Variants in PKIB observed in about 807,000 individuals in gnomAD.
PKIB encodes cAMP-dependent protein kinase inhibitor beta, also known as PKI-beta.
In PKIB, 2 loss-of-function variants were observed where a neutral mutation model predicts 4.5. That is an observed-to-expected ratio of 0.44 (90% CI 0.18 to 1.39). PKIB has a LOEUF of 1.39. Among genes scored for constraint, PKIB ranks in the 40% most tolerant of loss-of-function variants. PKIB has a pLI of 0.27. For missense variants in PKIB, 94 were observed against 92.6 expected (o/e 1.02, Z -0.06); for synonymous variants, 38 against 36.0 (o/e 1.06, Z -0.20).
chr6:122,478,113 T>A lies in PKIB; in HGVS notation c.-248+174T>A, dbSNP rs192064630. The A allele has an allele frequency of 1.3e-3, 199 of 152,268 alleles. 1 individual carries two copies. Among genetic ancestry groups the A allele is most frequent in the Middle Eastern group, 0.01 (3 of 294 alleles). 9.4% of individuals were successfully genotyped at this position (152,268 alleles called of 1,614,324 possible). A position where few individuals can be genotyped will look rare whatever the true frequency, so the allele number is the denominator to read the frequency against. On this transcript the variant is annotated intron_variant, in intron 2 of 6. Transcript: ENST00000392491. ...CAGGCTCCCACCTAGAGTCCTGTTA[T>A]AGTGAAGGCTGGCTTCCACTAGTTT... is the stretch of plus-strand genomic sequence containing the variant.
At chr6:122,538,316 A>T (rs955343018) in intron 2 of PKIB, among the ~76,000 whole-genome samples, 2 of 152,126 alleles carry the variant, frequency 1.3e-5, no homozygotes, top group Non-Finnish European at 2.9e-5. Flanking sequence ...TTTTAGATCT[A>T]ACATGTAAGT....
At chr6:122,532,967 G>T (rs1303207082) in intron 2 of PKIB, among the ~76,000 whole-genome samples, 1 of 151,806 alleles carries the variant, frequency 6.6e-6, no homozygotes, top group Non-Finnish European at 1.5e-5. Flanking sequence ...TATGTTTGTT[G>T]GACATTTGTG....
chr6:122,511,675 G>A (rs1055811028), intron 2 of PKIB, among the ~76,000 whole-genome samples: 2 of 152,172 alleles, frequency 1.3e-5, no homozygotes, highest in African/African-American at 2.4e-5. Flanking sequence ...AAAAGGCGCC[G>A]AGCTCTGGTT....
At chr6:122,583,892 A>G (rs1773778522) in intron 2 of PKIB, among the ~76,000 whole-genome samples, 1 of 152,118 alleles carries the variant, frequency 6.6e-6, no homozygotes, top group African/African-American at 2.4e-5. Flanking sequence ...ATGCTGGGCT[A>G]TGCCCCTTTT....
intron 1 of PKIB, among the ~76,000 whole-genome samples, chr6:122,476,978 T>C (rs994848609): frequency 1.3e-5 from 2 of 152,172 alleles, no homozygotes; most frequent in Non-Finnish European, 2.9e-5. Context: ...CACCTTCCAA[T>C]AGAAATGAAA....
intron 1 of PKIB, among the ~76,000 whole-genome samples, chr6:122,629,754 A>G (rs949786390): frequency 6.6e-6 from 1 of 152,240 alleles, no homozygotes; most frequent in African/African-American, 2.4e-5. Flanking sequence ...CCACAGTCTA[A>G]TCATGAGAAA....
At position 122,637,852 on chromosome 6, in the gene PKIB, A is replaced by T. The variant is rs866766291; in HGVS notation, c.-76+4485A>T. Among the ~76,000 whole-genome samples, 7 of 152,240 alleles carry T rather than the reference A, an allele frequency of 4.6e-5. No homozygotes were observed. The Middle Eastern group carries it at 0.01, about 222-fold the overall frequency. On this transcript the variant is annotated intron_variant, in intron 2 of 4. Coordinates refer to ENST00000368452, the MANE Select transcript of PKIB (RefSeq NM_181795.3). ...TATGGAAAGATGAATTGTTCCACCT[A>T]AAAAGATCAATTAAATTTGGCTTAA...
At chr6:122,511,639 G>A (rs1776589329) in intron 2 of PKIB, among the ~76,000 whole-genome samples, 1 of 152,136 alleles carries the variant, frequency 6.6e-6, no homozygotes, top group Non-Finnish European at 1.5e-5. Flanking sequence ...TGGGAGCCAG[G>A]GGGCCACTTG....
intron 1 of PKIB, among the ~76,000 whole-genome samples, chr6:122,611,112 C>T (rs540109577): frequency 6.6e-6 from 1 of 152,338 alleles, no homozygotes; most frequent in Admixed American, 6.5e-5. Flanking sequence ...ATTGGATTTT[C>T]CCTGCTCCTA....
chr6:122,591,838 G>A (rs928603343), intron 3 of PKIB, among the ~76,000 whole-genome samples: 7 of 151,246 alleles, frequency 4.6e-5, no homozygotes, highest in African/African-American at 1.7e-4. Flanking sequence ...CAGCCACCTA[G>A]TAGCTGGAAT....
chr6:122,531,212 G>A (rs1364699153), intron 2 of PKIB: 5 of 152,094 alleles, frequency 3.3e-5, no homozygotes, highest in Non-Finnish European at 2.9e-5. Flanking sequence ...TTGAAAACAT[G>A]GGAATTCTCT....
chr6:122,699,398 T>C (rs971703308), intron 3 of PKIB, among the ~76,000 whole-genome samples: 21 of 152,148 alleles, frequency 1.4e-4, no homozygotes, highest in African/African-American at 5.1e-4. Context: ...GCAAAATATT[T>C]ATCAGTTGCT....
chr6:122,681,612 C>T (rs1185809943), intron 3 of PKIB, among the ~76,000 whole-genome samples: 3 of 151,882 alleles, frequency 2.0e-5, no homozygotes, highest in African/African-American at 7.3e-5. Flanking sequence ...TTGGATTAAC[C>T]AATTAAGAAA....
At chr6:122,624,536 T>C (rs1056223041) in intron 1 of PKIB, among the ~76,000 whole-genome samples, 8 of 152,168 alleles carry the variant, frequency 5.3e-5, no homozygotes, top group Non-Finnish European at 1.2e-4. Context: ...GAGTCAATTC[T>C]CCAAAAACAT....
intron 3 of PKIB, chr6:122,717,545 G>A: frequency 2.1e-6 from 1 of 468,548 alleles, no homozygotes; most frequent in Non-Finnish European, 3.8e-6. Context: ...GCATCCAAGT[G>A]GCTCATTCGG....
chr6:122,544,043 A>G (rs1182173981), intron 2 of PKIB, among the ~76,000 whole-genome samples: 1 of 152,046 alleles, frequency 6.6e-6, no homozygotes, highest in East Asian at 1.9e-4. Flanking sequence ...AACTAACTCT[A>G]TGACAAAACT....
intron 2 of PKIB, among the ~76,000 whole-genome samples, chr6:122,653,813 T>C (rs576430396): frequency 6.6e-6 from 1 of 152,036 alleles, no homozygotes; most frequent in Admixed American, 6.6e-5. Flanking sequence ...GTACAAAAAT[T>C]AGCTGGGCAT....
intron 2 of PKIB, among the ~76,000 whole-genome samples, chr6:122,484,573 C>G (rs1026017607): frequency 6.6e-6 from 1 of 152,178 alleles, no homozygotes; most frequent in African/African-American, 2.4e-5. Flanking sequence ...GTGAAGGGAT[C>G]ATTTTCAGTA....
intron 2 of PKIB, among the ~76,000 whole-genome samples, chr6:122,650,240 A>C (rs1482794151): frequency 6.6e-6 from 1 of 152,094 alleles, no homozygotes; most frequent in Non-Finnish European, 1.5e-5. Flanking sequence ...GGCCCTACAC[A>C]GACCAAGTAG....
Sources: gnomAD v4.1 joint callset for allele counts (sites outside exome capture counted in the v4.1 genomes callset) on GRCh38, gnomAD v4.1.1 for gene constraint, MANE v1.5 for transcripts, NCBI Gene and HGNC (gene_info 2026-07-23, HGNC 2026-07-21) for gene names.